CLVS1: variants seen among roughly 807,000 people sequenced by gnomAD.
CLVS1 encodes the protein clavesin-1.
CLVS1 carries 10 observed loss-of-function variants against 33.1 expected under a neutral mutation model. The observed-to-expected ratio is 0.30, with a 90% CI of 0.19 to 0.51. CLVS1 has a LOEUF of 0.51. Ranked by LOEUF, CLVS1 falls within the 20% of genes least tolerant of loss-of-function variation. The pLI is 0.97. For synonymous variants in CLVS1, 163 were observed against 166.1 expected, an observed-to-expected ratio of 0.98 and a Z score of 0.14; for missense variants, 343 against 433.4, an observed-to-expected ratio of 0.79 and a Z score of 1.85.
chr8:61,104,458 G>A (rs374251622), intron 1 of CLVS1, among the ~76,000 whole-genome samples: 26 of 152,306 alleles, frequency 1.7e-4, no homozygotes, highest in African/African-American at 6.3e-4. Flanking sequence ...CAACAGATGT[G>A]ATTTTGATAA....
At chr8:61,118,925 C>G (rs1805799856) in intron 1 of CLVS1, among the ~76,000 whole-genome samples, 1 of 151,916 alleles carries the variant, frequency 6.6e-6, no homozygotes, top group Non-Finnish European at 1.5e-5. Flanking sequence ...CCTGGGTATC[C>G]TTGTTGACTT....
chr8:61,320,043 C>T (rs1192718137), intron 2 of CLVS1, among the ~76,000 whole-genome samples: 6 of 151,998 alleles, frequency 3.9e-5, no homozygotes, highest in Admixed American at 1.3e-4. Flanking sequence ...AAGTACTATA[C>T]TCTTCTTTAT....
intron 2 of CLVS1, among the ~76,000 whole-genome samples, chr8:61,197,546 G>T (rs1406481239): frequency 6.6e-6 from 1 of 152,098 alleles, no homozygotes; most frequent in Admixed American, 6.6e-5. Flanking sequence ...TTGAGACAGA[G>T]TCTCACTCTG....
intron 2 of CLVS1, among the ~76,000 whole-genome samples, chr8:61,322,959 C>T (rs1044278160): frequency 1.1e-4 from 16 of 152,156 alleles, no homozygotes; most frequent in South Asian, 4.1e-4. Context: ...TGTGGTACTC[C>T]GAATAATCAT....
At chr8:60,965,284 T>C in the CLVS1 span, 2 of 152,056 alleles carry the variant, frequency 1.3e-5, no homozygotes, top group Middle Eastern at 3.4e-3. Flanking sequence ...CCCCAGATGG[T>C]GGGAATCAAA....
At chr8:61,223,478 T>C (rs1808265344) in intron 2 of CLVS1, among the ~76,000 whole-genome samples, 1 of 152,204 alleles carries the variant, frequency 6.6e-6, no homozygotes, top group Non-Finnish European at 1.5e-5. Flanking sequence ...TTGAAAATTA[T>C]TTTCTTTAAG....
intron 2 of CLVS1, among the ~76,000 whole-genome samples, chr8:61,145,142 G>T (rs1329825973): frequency 2.0e-5 from 3 of 152,126 alleles, no homozygotes; most frequent in African/African-American, 4.8e-5. Flanking sequence ...CACAGCAAAA[G>T]AAACTATTAT....
intron 2 of CLVS1, among the ~76,000 whole-genome samples, chr8:61,139,640 C>T (rs527993028): frequency 3.4e-4 from 51 of 151,696 alleles, no homozygotes; most frequent in Admixed American, 1.2e-3. Flanking sequence ...AGGTGGAAGG[C>T]GACATCCCGG....
At chr8:61,318,874 G>T (rs1294110063) in intron 2 of CLVS1, among the ~76,000 whole-genome samples, 1 of 152,094 alleles carries the variant, frequency 6.6e-6, no homozygotes, top group Non-Finnish European at 1.5e-5. Context: ...GCCTCCTAAA[G>T]AGCTGGAATT....
At chr8:61,090,310 G>A (rs1805213907) in intron 1 of CLVS1, among the ~76,000 whole-genome samples, 1 of 152,128 alleles carries the variant, frequency 6.6e-6, no homozygotes, top group Non-Finnish European at 1.5e-5. Flanking sequence ...CAGAAGTCAC[G>A]TGTACTTCCC....
chr8:61,168,384 G>A (rs942997060), intron 2 of CLVS1, among the ~76,000 whole-genome samples: 10 of 152,182 alleles, frequency 6.6e-5, no homozygotes, highest in Non-Finnish European at 1.3e-4. Context: ...AGCCTAATCA[G>A]TCACTAGTCT....
chr8:61,476,375 A>G (rs1430481438), intron 5 of CLVS1, among the ~76,000 whole-genome samples: 1 of 152,102 alleles, frequency 6.6e-6, no homozygotes, highest in Admixed American at 6.6e-5. Context: ...TGAATCTGTA[A>G]ATTACCTTGG....
chr8:61,446,276 A>G lies in CLVS1; in HGVS notation c.631-7865A>G, dbSNP rs535624499. On this transcript the variant is annotated intron_variant, in intron 3 of 5. Transcript: ENST00000325897. The stretch of plus-strand genomic sequence containing the variant: ...TTGATTCAAGACTTTTCTGTTTAAT[A>G]AAGAAATATGTATTTAATGCTACAA... Among the ~76,000 whole-genome samples the G allele has an allele frequency of 5.0e-4, 76 of 152,300 alleles. 1 individual carries two copies. Among genetic ancestry groups the G allele is most frequent in the African/African-American group, 1.7e-3 (70 of 41,554 alleles).
At chr8:61,250,379 T>G (rs140009137) in intron 2 of CLVS1, among the ~76,000 whole-genome samples, 2,261 of 152,320 alleles carry the variant, frequency 0.015, 56 homozygotes, top group South Asian at 0.097. Flanking sequence ...TCTTTTGGCT[T>G]AGGATTATCT....
chr8:61,266,977 G>T (rs1392437814), intron 2 of CLVS1, among the ~76,000 whole-genome samples: 1 of 152,204 alleles, frequency 6.6e-6, no homozygotes, highest in Non-Finnish European at 1.5e-5. Flanking sequence ...CCACACAGAG[G>T]CAGTTTCACT....
the CLVS1 span, among the ~76,000 whole-genome samples, chr8:60,978,159 C>T: frequency 3.9e-5 from 6 of 152,186 alleles, no homozygotes; most frequent in Admixed American, 6.5e-5. Context: ...GGGAATCTTT[C>T]AGGCTGAAAA....
At chr8:61,375,324 C>T (rs906893295) in intron 2 of CLVS1, among the ~76,000 whole-genome samples, 1 of 150,810 alleles carries the variant, frequency 6.6e-6, no homozygotes, top group Non-Finnish European at 1.5e-5. Flanking sequence ...GATCTCAGCT[C>T]ACTGCAACCT....
chr8:61,029,682 G>A, the CLVS1 span, among the ~76,000 whole-genome samples: 1 of 151,984 alleles, frequency 6.6e-6, no homozygotes, highest in East Asian at 1.9e-4. Flanking sequence ...AAGTGTCATG[G>A]TGGTTTGCTG....
intron 2 of CLVS1, among the ~76,000 whole-genome samples, chr8:61,266,985 A>C (rs553242597): frequency 1.3e-5 from 2 of 152,332 alleles, no homozygotes; most frequent in Admixed American, 1.3e-4. Context: ...AGGCAGTTTC[A>C]CTTTGAACTG....
Sources: allele counts gnomAD v4.1 joint callset (sites outside exome capture counted in the v4.1 genomes callset), GRCh38; gene constraint gnomAD v4.1.1; transcripts MANE v1.5; gene names NCBI Gene and HGNC (gene_info 2026-07-23, HGNC 2026-07-21).